TFAM: variants seen among roughly 807,000 people sequenced by gnomAD.
TFAM encodes mitochondrial transcription factor 1.
In TFAM, 13 loss-of-function variants were observed where a neutral mutation model predicts 30.6. That is an observed-to-expected ratio of 0.42 (90% CI 0.28 to 0.67). The LOEUF (loss-of-function observed/expected upper bound fraction) is 0.67. Among genes scored for constraint, TFAM ranks in the 30% least tolerant of loss-of-function variants. The pLI, the probability that TFAM is intolerant of heterozygous loss-of-function variation, is 0.21. For missense variants in TFAM, 231 were observed against 293.7 expected (o/e 0.79, Z 1.56); for synonymous variants, 106 against 94.8 (o/e 1.12, Z -0.69).
At position 58,396,250 on chromosome 10, in the gene TFAM, A is replaced by G. The variant is rs1476450008; in HGVS notation, c.*1176A>G. 3 of 152,174 alleles carry G rather than the reference A, an allele frequency of 2.0e-5. No individual in the cohort carries two copies. The East Asian group carries it at 5.8e-4, about 29-fold the overall frequency. The allele number at this position is 152,174 out of a possible 1,614,324, so 9.4% of individuals were successfully genotyped here. ...TACTGTCTGTCTGTTTATGGAAAAA[A>G]TTTATCAACCCATGGTCTATAGTAT... On this transcript the variant is annotated 3_prime_UTR_variant, in exon 7 of 7. Transcript: ENST00000487519.
rs1287091269 is a variant in TFAM at position 58,394,972 on chromosome 10, T to C, written c.639T>C (p.Asn213=). The C allele has an allele frequency of 1.2e-6, 2 of 1,613,624 alleles. No homozygotes were observed. The highest frequency in any genetic ancestry group is 1.3e-5 in the African/African-American group (1 of 74,920). ...AAGAGGACGAAACTCGTTATCATAA[T>C]GAAATGAAGTCTTGGGAAGAACAAA... is the stretch of plus-strand genomic sequence containing the variant. ...HAKEDETRYH[N]EMKSWEEQMI... The change falls in exon 7 of 7, where the codon AAT becomes AAC. Residue 213 remains asparagine (N), a synonymous_variant. Transcript: ENST00000487519.
rs1174675834 is a variant in TFAM, at chr10:58,395,679, A to ATG, written c.*608_*609dup. The ATG allele has an allele frequency of 3.4e-6, 1 of 296,728 alleles. No homozygotes were observed. The highest frequency in any genetic ancestry group is 6.1e-6 in the Non-Finnish European group (1 of 162,712). 18.4% of individuals were successfully genotyped at this position (296,728 alleles called of 1,614,324 possible). A position where few individuals can be genotyped will look rare whatever the true frequency, so the allele number is the denominator to read the frequency against. Reference sequence around the variant, plus strand: ...TTTCTAAAGTAAAAACAAAGAAATTATGTGCCAGATTTATGCATATTATTT... The same window carrying ATG: ...TTTCTAAAGTAAAAACAAAGAAATTATGTGTGCCAGATTTATGCATATTATTT... On this transcript the variant is annotated 3_prime_UTR_variant, in exon 7 of 7. Coordinates refer to ENST00000487519, the MANE Select transcript of TFAM (RefSeq NM_003201.3).
rs138243284 is a variant in TFAM, at chr10:58,386,317, A to G, written c.199A>G (p.Ile67Val). ...TCGATTTTCTAAAGAACAACTACCC[A>G]TATTTAAAGCTCAGAACCCAGGTAA... ...YLRFSKEQLP[I>V]FKAQNPDAKT... The change falls in exon 2 of 7, where the codon ATA (isoleucine) becomes GTA (valine). Residue 67 changes from isoleucine to valine, a missense_variant. By Grantham distance (29) the Ile-to-Val change is conservative. Transcript: ENST00000487519. 7.1e-5 allele frequency: 115 copies of G among 1,613,416 alleles called. No homozygotes were observed. The East Asian group carries it at 2.3e-3, about 33-fold the overall frequency.
chr10:58,385,696 C>T (rs750427251), intron 1 of TFAM, 48 bp downstream of exon 1: 14 of 1,417,040 alleles, frequency 9.9e-6, no homozygotes, highest in Non-Finnish European at 1.3e-5. Flanking sequence ...CCAGGACGTC[C>T]CGGGGTTGGA....
rs546137929 is a variant in TFAM at position 58,395,349 on chromosome 10, C to T, written c.*275C>T. ...CATTTTACCTTTGACAAAGGTAAATCAGACTATGAAGTTTTTTTTATACAG... is the reference window on the plus strand; with the variant it reads ...CATTTTACCTTTGACAAAGGTAAATTAGACTATGAAGTTTTTTTTATACAG... On this transcript the variant is annotated 3_prime_UTR_variant, in exon 7 of 7. Transcript: ENST00000487519. 2 of 419,406 alleles carry T rather than the reference C, an allele frequency of 4.8e-6. No homozygotes were observed. The highest frequency in any genetic ancestry group is 4.7e-5 in the East Asian group (1 of 21,150). 26.0% of individuals were successfully genotyped at this position (419,406 alleles called of 1,614,324 possible).
intron 3 of TFAM, 28 bp downstream of exon 3, chr10:58,388,288 G>C: frequency 1.3e-6 from 2 of 1,591,782 alleles, no homozygotes; most frequent in South Asian, 2.2e-5. Context: ...CAACATTGCT[G>C]ACCAGTTATT....
rs1410371629 is a variant in TFAM, at chr10:58,399,063, T to G, written c.*3989T>G. 3 of 152,196 alleles carry G rather than the reference T, an allele frequency of 2.0e-5. No homozygotes were observed. The highest frequency in any genetic ancestry group is 2.9e-5 in the Non-Finnish European group (2 of 68,000). The allele number at this position is 152,196 out of a possible 1,614,324, so 9.4% of individuals were successfully genotyped here. A position where few individuals can be genotyped will look rare whatever the true frequency, so the allele number is the denominator to read the frequency against. On this transcript the variant is annotated 3_prime_UTR_variant, in exon 7 of 7. Coordinates refer to ENST00000487519, the MANE Select transcript of TFAM (RefSeq NM_003201.3). ...TTGTTCACAAATAAAGGACTTTTGT[T>G]AATTGATTAAATCACTTACTATATT...
In TFAM at chr10:58,385,444, C is replaced by T. The variant is rs1589010221; in HGVS notation, c.-104C>T. ...CGCTAGTGGCGGGCATGATAACACACGCCGGAGGGTCGCACGCGGGTTCCA... is the reference window on the plus strand; with the variant it reads ...CGCTAGTGGCGGGCATGATAACACATGCCGGAGGGTCGCACGCGGGTTCCA... On this transcript the variant is annotated 5_prime_UTR_variant, in exon 1 of 7. The change creates a new upstream start codon in the 5' untranslated region. Transcript: ENST00000487519. The T allele has an allele frequency of 3.6e-6, 3 of 838,148 alleles. No individual in the cohort carries two copies. Among genetic ancestry groups the T allele is most frequent in the East Asian group, 5.3e-5 (2 of 37,954 alleles). 51.9% of individuals were successfully genotyped at this position (838,148 alleles called of 1,614,324 possible). A position where few individuals can be genotyped will look rare whatever the true frequency, so the allele number is the denominator to read the frequency against.
At position 58,395,673 on chromosome 10, in the gene TFAM, G is replaced by T. The variant is rs925478594; in HGVS notation, c.*599G>T. ...GTCTTTTTTCTAAAGTAAAAACAAA[G>T]AAATTATGTGCCAGATTTATGCATA... On this transcript the variant is annotated 3_prime_UTR_variant, in exon 7 of 7. Coordinates refer to ENST00000487519, the MANE Select transcript of TFAM (RefSeq NM_003201.3). 1.4e-5 allele frequency: 4 copies of T among 290,644 alleles called. No individual in the cohort carries two copies. Among genetic ancestry groups the T allele is most frequent in the African/African-American group, 8.6e-5 (4 of 46,562 alleles). The allele number at this position is 290,644 out of a possible 1,614,324, so 18.0% of individuals were successfully genotyped here.
intron 5 of TFAM, among the ~76,000 whole-genome samples, chr10:58,391,334 A>G (rs1564568569): frequency 6.6e-6 from 1 of 152,184 alleles, no homozygotes; most frequent in African/African-American, 2.4e-5. Flanking sequence ...AAGCTTGTCA[A>G]TCCCTGCTGT....
chr10:58,386,940 C>G (rs1052857520), intron 2 of TFAM, among the ~76,000 whole-genome samples: 6 of 151,946 alleles, frequency 3.9e-5, no homozygotes, highest in Admixed American at 6.6e-5. Context: ...TTTGTTGACT[C>G]TCTAGAAAGC....
chr10:58,393,527 C>T (rs1166283616), intron 5 of TFAM, among the ~76,000 whole-genome samples: 3 of 152,130 alleles, frequency 2.0e-5, no homozygotes, highest in African/African-American at 4.8e-5. Context: ...CTTCTGTTGT[C>T]TTTATTCATG....
rs1238345631 is a variant in TFAM, at chr10:58,397,273, A to G, written c.*2199A>G. ...TCGGGACAAATGCAGCATAGAAAAC[A>G]TCTTTGTAGTTACCCTGCGGGGAAA... On this transcript the variant is annotated 3_prime_UTR_variant, in exon 7 of 7. Transcript: ENST00000487519. 3 of 152,198 alleles carry G rather than the reference A, an allele frequency of 2.0e-5. No individual in the cohort carries two copies. Among genetic ancestry groups the G allele is most frequent in the Admixed American group, 2.0e-4 (3 of 15,272 alleles). 9.4% of individuals were successfully genotyped at this position (152,198 alleles called of 1,614,324 possible).
intron 5 of TFAM, 130 bp from the exon 6 acceptor site, chr10:58,394,228 G>A (rs967954142): frequency 1.4e-6 from 1 of 728,844 alleles, no homozygotes; most frequent in Non-Finnish European, 2.5e-6. Context: ...TTTGTTTAGA[G>A]AGAAAAGATG....
Position 58,397,776 on chromosome 10 carries a change from C to T in TFAM, c.*2702C>T, listed in dbSNP as rs977973814. Reference sequence around the variant, plus strand: ...GTGTGTGTGTGTGTGTGTGTGTGCACGTGTGTGTGTTAGAGTCTCATTATA... The same window carrying T: ...GTGTGTGTGTGTGTGTGTGTGTGCATGTGTGTGTGTTAGAGTCTCATTATA... On this transcript the variant is annotated 3_prime_UTR_variant, in exon 7 of 7. Transcript: ENST00000487519. 3.4e-5 allele frequency: 5 copies of T among 145,756 alleles called. No individual in the cohort carries two copies. Among genetic ancestry groups the T allele is most frequent in the Admixed American group, 6.9e-5 (1 of 14,582 alleles). 9.0% of individuals were successfully genotyped at this position (145,756 alleles called of 1,614,324 possible). A position where few individuals can be genotyped will look rare whatever the true frequency, so the allele number is the denominator to read the frequency against.
At chr10:58,387,758 C>T (rs993334931) in intron 2 of TFAM, among the ~76,000 whole-genome samples, 8 of 151,894 alleles carry the variant, frequency 5.3e-5, no homozygotes, top group African/African-American at 1.7e-4. Flanking sequence ...AGCGAAACCC[C>T]GTCTCTACAA....
chr10:58,388,639 T>G (rs1840534999), intron 3 of TFAM, 31 bp from the exon 4 acceptor site: 2 of 1,610,744 alleles, frequency 1.2e-6, no homozygotes, highest in Non-Finnish European at 1.7e-6. Flanking sequence ...CAGCAATGGT[T>G]TGTTGACTTA....
rs1330391061 is a variant in TFAM, at chr10:58,396,874, G to A, written c.*1800G>A. The A allele has an allele frequency of 1.3e-5, 2 of 152,174 alleles. No individual in the cohort carries two copies. Among genetic ancestry groups the A allele is most frequent in the Non-Finnish European group, 2.9e-5 (2 of 68,046 alleles). The allele number at this position is 152,174 out of a possible 1,614,324, so 9.4% of individuals were successfully genotyped here. On this transcript the variant is annotated 3_prime_UTR_variant, in exon 7 of 7. Transcript: ENST00000487519. ...AAATATGAGGCTTTAAATATATAAA[G>A]TTGGATATTTTAAAATAACTTTTCC...
At chr10:58,389,545 G>A (rs921278142) in intron 4 of TFAM, among the ~76,000 whole-genome samples, 1 of 152,160 alleles carries the variant, frequency 6.6e-6, no homozygotes, top group African/African-American at 2.4e-5. Context: ...ATGCCAATAC[G>A]TCTTTCCCTG....
Sources: gnomAD v4.1 joint callset for allele counts (sites outside exome capture counted in the v4.1 genomes callset) on GRCh38, gnomAD v4.1.1 for gene constraint, MANE v1.5 for transcripts, NCBI Gene and HGNC (gene_info 2026-07-23, HGNC 2026-07-21) for gene names.